The following VPS4B variants were observed in gnomAD, a reference collection of about 807,000 sequenced individuals.
The protein encoded by VPS4B is vacuolar protein sorting 4 homolog B.
In VPS4B, 23 loss-of-function variants were observed where a neutral mutation model predicts 56.1. The observed-to-expected ratio is 0.41, with a 90% CI of 0.30 to 0.58. The LOEUF (loss-of-function observed/expected upper bound fraction) is 0.58, where lower values mean the gene tolerates loss of function less well. Among genes scored for constraint, VPS4B ranks in the 20% least tolerant of loss-of-function variants. The probability of loss-of-function intolerance (pLI) is 0.29; values close to 1 mark genes in which losing one functional copy is unlikely to be tolerated. For synonymous variants in VPS4B, 177 were observed against 186.0 expected, an observed-to-expected ratio of 0.95 and a Z score of 0.39; for missense variants, 372 against 531.9, an observed-to-expected ratio of 0.70 and a Z score of 2.96.
chr18:63,403,615 A>G (rs1915857592), intron 5 of VPS4B, 92 bp downstream of exon 5: 1 of 1,304,664 alleles, frequency 7.7e-7, no homozygotes, highest in South Asian at 1.6e-5. Context: ...ATTTAAGATA[A>G]TTCATTAGTG....
intron 8 of VPS4B, among the ~76,000 whole-genome samples, chr18:63,398,202 C>CAT (rs1317038189): frequency 1.0e-5 from 1 of 96,284 alleles, no homozygotes; most frequent in African/African-American, 4.8e-5. Flanking sequence ...CACACACACA[C>CAT]ACATATATAT....
chr18:63,415,815 T>C (rs1017650788), intron 1 of VPS4B: 2 of 194,706 alleles, frequency 1.0e-5, no homozygotes, highest in East Asian at 2.9e-4. Context: ...TCTATACAAA[T>C]TCAGAGCCAG....
intron 1 of VPS4B, 106 bp downstream of exon 1, chr18:63,422,127 C>G: frequency 6.3e-6 from 8 of 1,275,374 alleles, no homozygotes; most frequent in Admixed American, 4.0e-5. Flanking sequence ...TCCTGCGCCT[C>G]GACCACAGGC....
chr18:63,413,711 T>A (rs1916098447), intron 1 of VPS4B, among the ~76,000 whole-genome samples: 1 of 151,968 alleles, frequency 6.6e-6, no homozygotes, highest in East Asian at 1.9e-4. Flanking sequence ...AGTAAGTATA[T>A]AACATAAGCA....
intron 3 of VPS4B, among the ~76,000 whole-genome samples, chr18:63,410,006 C>T (rs773767577): frequency 6.6e-6 from 1 of 151,998 alleles, no homozygotes; most frequent in Non-Finnish European, 1.5e-5. Flanking sequence ...GGTCAGCAAA[C>T]TTTTTTTTGT....
chr18:63,399,296 A>G lies in VPS4B; in HGVS notation c.818T>C (p.Leu273Ser). The G allele has an allele frequency of 6.2e-7, 1 of 1,614,048 alleles. No homozygotes were observed. The highest frequency in any genetic ancestry group is 8.5e-7 in the Non-Finnish European group (1 of 1,179,938). The stretch of plus-strand genomic sequence containing the variant: ...GGGTATATTTGTAGCTCCCAGAACC[A>G]AAATTCCATCATTGTCTACACCAAC... ...QGVGVDNDGILVLGATNIPWV... is the reference protein window; with the variant it reads ...QGVGVDNDGISVLGATNIPWV... Residue 273 changes from leucine (L) to serine (S), a missense_variant, in exon 8 of 11, where the codon TTG becomes TCG. Physicochemically the swap from Leu to Ser is moderately radical, Grantham distance 145 (BLOSUM62 -2). This residue lies in a region of VPS4B where 66 missense variants were observed against 150.7 expected (regional missense o/e 0.44). Coordinates refer to ENST00000238497, the MANE Select transcript of VPS4B (RefSeq NM_004869.4).
intron 2 of VPS4B, 118 bp downstream of exon 2, chr18:63,411,349 T>C: frequency 1.4e-6 from 1 of 701,342 alleles, no homozygotes; most frequent in Non-Finnish European, 2.0e-6. Flanking sequence ...GAGTATTTTT[T>C]TTTTTTAACA....
intron 4 of VPS4B, among the ~76,000 whole-genome samples, chr18:63,405,452 C>A (rs1203749439): frequency 6.6e-6 from 1 of 151,794 alleles, no homozygotes; most frequent in Non-Finnish European, 1.5e-5. Flanking sequence ...AGTATGAAAT[C>A]CAGCAGCAAA....
intron 1 of VPS4B, among the ~76,000 whole-genome samples, chr18:63,414,591 T>C (rs1248043756): frequency 6.6e-6 from 1 of 151,896 alleles, no homozygotes. Flanking sequence ...CCCACCACCA[T>C]GCCTGGCTAA....
At chr18:63,409,226 T>C (rs987533387) in intron 3 of VPS4B, among the ~76,000 whole-genome samples, 1 of 152,208 alleles carries the variant, frequency 6.6e-6, no homozygotes, top group Non-Finnish European at 1.5e-5. Flanking sequence ...CTTAAGCTTA[T>C]CATTTCCTTC....
chr18:63,422,082 C>T, intron 1 of VPS4B, 151 bp downstream of exon 1: 1 of 801,482 alleles, frequency 1.2e-6, no homozygotes, highest in Non-Finnish European at 1.8e-6. Context: ...AAAACGGGCC[C>T]CTCTCCCACC....
At chr18:63,412,932 A>T (rs1014498926) in intron 1 of VPS4B, among the ~76,000 whole-genome samples, 19 of 152,352 alleles carry the variant, frequency 1.2e-4, no homozygotes, top group Non-Finnish European at 2.5e-4. Context: ...AGGTAACTGG[A>T]TCTTATGACA....
chr18:63,400,907 AAGCCT>A (rs1346851899), intron 5 of VPS4B, among the ~76,000 whole-genome samples: 2 of 152,240 alleles, frequency 1.3e-5, no homozygotes, highest in Admixed American at 6.5e-5. Flanking sequence ...TGCATAACAT[AAGCCT>A]TCTAACAGGA....
intron 5 of VPS4B, among the ~76,000 whole-genome samples, chr18:63,402,240 A>C (rs1225160468): frequency 6.7e-6 from 1 of 149,614 alleles, no homozygotes; most frequent in Non-Finnish European, 1.5e-5. Flanking sequence ...TATACTTTAA[A>C]TAATTTTTTA....
Position 63,410,372 on chromosome 18 carries a change from GT to G in VPS4B, c.213del (p.Lys71AsnfsTer2). The part of the protein sequence containing the change: ...KCTEYLDRAE[K>X]LKEYLKNKEK... Reference sequence around the variant, plus strand: ...TCTTTATTTTTCAGGTACTCCTTTAGTTTTTCTGCTCTATCAAGATATTCTG... The same window carrying G: ...TCTTTATTTTTCAGGTACTCCTTTAGTTTTCTGCTCTATCAAGATATTCTG... On this transcript the variant is annotated frameshift_variant, in exon 3 of 11. Coordinates refer to ENST00000238497, the MANE Select transcript of VPS4B (RefSeq NM_004869.4). LOFTEE classifies it high-confidence loss of function. 6.2e-7 allele frequency: 1 copy of G among 1,613,846 alleles called. No homozygotes were observed. Among genetic ancestry groups the G allele is most frequent in the Non-Finnish European group, 8.5e-7 (1 of 1,180,014 alleles).
At chr18:63,400,328 T>A in intron 6 of VPS4B, 132 bp from the exon 7 acceptor site, 5 of 1,137,640 alleles carry the variant, frequency 4.4e-6, no homozygotes, top group Non-Finnish European at 6.1e-6. Context: ...ATAAGAATGC[T>A]ACAACTGGAT....
intron 4 of VPS4B, among the ~76,000 whole-genome samples, chr18:63,404,178 A>C (rs1915868782): frequency 6.6e-6 from 1 of 152,226 alleles, no homozygotes; most frequent in African/African-American, 2.4e-5. Context: ...CAAACGTTCC[A>C]TAAGGTGGTT....
intron 8 of VPS4B, among the ~76,000 whole-genome samples, chr18:63,398,535 A>C (rs1915732483): frequency 6.6e-6 from 1 of 150,718 alleles, no homozygotes; most frequent in Non-Finnish European, 1.5e-5. Context: ...TATAGTTTTT[A>C]CTAAAAAAAA....
Position 63,403,819 on chromosome 18 carries a change from A to T in VPS4B, c.372T>A (p.Ile124=). Residue 124 remains isoleucine (I), a synonymous_variant, in exon 5 of 11, where the codon ATT becomes ATA. Transcript: ENST00000238497. ...ATTTCACATTTGGTCGTTCTATAAC[A>T]ATGGCACCTGCAAAAAATTACGTTA... The part of the protein sequence containing the change: ...KKLQNQLQGA[I]VIERPNVKWS... The T allele has an allele frequency of 6.2e-7, 1 of 1,601,130 alleles. No individual in the cohort carries two copies. Among genetic ancestry groups the T allele is most frequent in the Non-Finnish European group, 8.5e-7 (1 of 1,175,118 alleles).
Sources: gnomAD v4.1 joint callset for allele counts (sites outside exome capture counted in the v4.1 genomes callset) on GRCh38, gnomAD v4.1.1 for gene constraint, gnomAD v4.1.1 regional missense constraint, MANE v1.5 for transcripts, NCBI Gene and HGNC (gene_info 2026-07-23, HGNC 2026-07-21) for gene names.